Variants in PIP4K2A observed in about 807,000 individuals in gnomAD.
PIP4K2A encodes the protein phosphatidylinositol 5-phosphate 4-kinase type-2 alpha.
In PIP4K2A, 14 loss-of-function variants were observed where a neutral mutation model predicts 42.9. The ratio of observed to expected loss-of-function variants is 0.33; its 90% CI spans 0.22 to 0.51. The LOEUF is 0.51. Among genes scored for constraint, PIP4K2A ranks in the 20% least tolerant of loss-of-function variants. The pLI, the probability that PIP4K2A is intolerant of heterozygous loss-of-function variation, is 0.97. For synonymous variants in PIP4K2A, 192 were observed against 192.2 expected (o/e 1.00, Z 0.01); for missense variants, 434 against 519.8 (o/e 0.83, Z 1.61).
In PIP4K2A at chr10:22,535,418, C is replaced by A. The variant is rs1449692864; in HGVS notation, c.*1783G>T. On this transcript the variant is annotated 3_prime_UTR_variant, in exon 10 of 10. Coordinates refer to ENST00000376573, the MANE Select transcript of PIP4K2A (RefSeq NM_005028.5). ...ACCAAATCTACATAAAATGAGTGGA[C>A]AGTATACGGAGGGCACGACTGCTGG... is the stretch of plus-strand genomic sequence containing the variant. 1 of 152,202 alleles carries A rather than the reference C, an allele frequency of 6.6e-6. No homozygotes were observed. The highest frequency in any genetic ancestry group is 1.5e-5 in the Non-Finnish European group (1 of 68,060). The allele number at this position is 152,202 out of a possible 1,614,324, so 9.4% of individuals were successfully genotyped here.
At chr10:22,584,331 A>G (rs1278083239) in intron 4 of PIP4K2A, among the ~76,000 whole-genome samples, 1 of 152,172 alleles carries the variant, frequency 6.6e-6, no homozygotes, top group East Asian at 1.9e-4. Context: ...TAAAAAAAAA[A>G]AAGATTAGAA....
At position 22,585,241 on chromosome 10, in the gene PIP4K2A, T is replaced by C. The variant is rs182741160; in HGVS notation, c.492+6388A>G. Among the ~76,000 whole-genome samples, 555 of 152,330 alleles carry C rather than the reference T, an allele frequency of 3.6e-3. 1 individual carries two copies. The highest frequency in any genetic ancestry group is 0.013 in the African/African-American group (541 of 41,556). On this transcript the variant is annotated intron_variant, in intron 4 of 9. Transcript: ENST00000376573. ...CGGGAAAGGATAAGCAGATGTACTA[T>C]GAGGAGATTTCAAAGAAGTCACATG...
chr10:22,618,989 T>A lies in PIP4K2A; in HGVS notation c.145-9272A>T, dbSNP rs187337686. 2.6e-5 allele frequency among the ~76,000 whole-genome samples: 4 copies of A among 152,330 alleles called. No homozygotes were observed. In the East Asian group the frequency reaches 7.7e-4, roughly 29 times the overall value. On this transcript the variant is annotated intron_variant, in intron 1 of 9. Coordinates refer to ENST00000376573, the MANE Select transcript of PIP4K2A (RefSeq NM_005028.5). ...TTTTCTTACTTTTTTCTACTAAGTG[T>A]CTTATTGGGAGAATGAGGGATTACC...
At chr10:22,668,808 G>C (rs1460293089) in intron 1 of PIP4K2A, among the ~76,000 whole-genome samples, 1 of 152,132 alleles carries the variant, frequency 6.6e-6, no homozygotes, top group African/African-American at 2.4e-5. Context: ...TAAGAAACAT[G>C]TACTTCTCTT....
intron 1 of PIP4K2A, among the ~76,000 whole-genome samples, chr10:22,664,197 A>G (rs1839299045): frequency 1.4e-5 from 1 of 69,388 alleles, no homozygotes; most frequent in Non-Finnish European, 2.3e-5. Context: ...ATATACATAT[A>G]TATATACATA....
intron 7 of PIP4K2A, among the ~76,000 whole-genome samples, chr10:22,550,182 T>C (rs1336583842): frequency 6.6e-6 from 1 of 152,054 alleles, no homozygotes; most frequent in Non-Finnish European, 1.5e-5. Flanking sequence ...TGGTGACTGG[T>C]GGAGATAGGA....
intron 1 of PIP4K2A, among the ~76,000 whole-genome samples, chr10:22,623,396 C>A (rs145432453): frequency 2.0e-5 from 3 of 152,040 alleles, no homozygotes; most frequent in African/African-American, 7.3e-5. Flanking sequence ...AGGGGCAGAC[C>A]GCAGCTCTAA....
Position 22,599,501 on chromosome 10 carries a change from G to A in PIP4K2A, c.340-7720C>T, listed in dbSNP as rs576173571. Among the ~76,000 whole-genome samples, 4 of 152,192 alleles carry A rather than the reference G, an allele frequency of 2.6e-5. No homozygotes were observed. The South Asian group carries it at 8.3e-4, about 31-fold the overall frequency. Reference sequence around the variant, plus strand: ...ACCATGAGGCTGTCTCTGGATGAGTGAGGTGACCTGGCAAGTGCTCTCTAC... The same window carrying A: ...ACCATGAGGCTGTCTCTGGATGAGTAAGGTGACCTGGCAAGTGCTCTCTAC... On this transcript the variant is annotated intron_variant, in intron 3 of 9. Transcript: ENST00000376573.
At chr10:22,668,021 G>A (rs184852085) in intron 1 of PIP4K2A, among the ~76,000 whole-genome samples, 189 of 151,940 alleles carry the variant, frequency 1.2e-3, no homozygotes, top group African/African-American at 4.4e-3. Context: ...GCATGGTCTC[G>A]GCTCACTGCA....
chr10:22,692,175 T>C (rs1042627733), intron 1 of PIP4K2A, among the ~76,000 whole-genome samples: 3 of 151,896 alleles, frequency 2.0e-5, no homozygotes, highest in African/African-American at 7.3e-5. Context: ...TGGGAGACAG[T>C]GACAGATCAT....
In PIP4K2A at chr10:22,542,748, C is replaced by T. The variant is rs114356297; in HGVS notation, c.793-701G>A. On this transcript the variant is annotated intron_variant, in intron 7 of 9. Transcript: ENST00000376573. ...CCCAGTTCTTTGACTTTTCAGATCACGATTTCTCTTTGTTTCCCTTTTCTT... is the reference window on the plus strand; with the variant it reads ...CCCAGTTCTTTGACTTTTCAGATCATGATTTCTCTTTGTTTCCCTTTTCTT... 9.7e-3 allele frequency among the ~76,000 whole-genome samples: 1,484 copies of T among 152,342 alleles called. 24 individuals carry two copies. Among genetic ancestry groups the T allele is most frequent in the African/African-American group, 0.034 (1,411 of 41,568 alleles).
chr10:22,583,402 G>C (rs1453941040), intron 4 of PIP4K2A, among the ~76,000 whole-genome samples: 2 of 152,096 alleles, frequency 1.3e-5, no homozygotes, highest in East Asian at 3.9e-4. Flanking sequence ...GCCTGGGGCT[G>C]GGGGGGAGCT....
chr10:22,671,292 A>G (rs990166177), intron 1 of PIP4K2A, among the ~76,000 whole-genome samples: 3 of 152,212 alleles, frequency 2.0e-5, no homozygotes, highest in Non-Finnish European at 4.4e-5. Context: ...CAATGCAGAG[A>G]AAGAAGTGGG....
chr10:22,609,509 T>C, intron 2 of PIP4K2A, 111 bp downstream of exon 2: 2 of 692,090 alleles, frequency 2.9e-6, no homozygotes, highest in Admixed American at 4.9e-5. Context: ...ATTAACTTCA[T>C]CAGCAAAACT....
At chr10:22,568,899 TG>T in intron 5 of PIP4K2A, 1 of 749,322 alleles carries the variant, frequency 1.3e-6, no homozygotes, top group Non-Finnish European at 2.2e-6. Context: ...CCTCCTGCAC[TG>T]GACACCCCTA....
chr10:22,611,199 G>T (rs1162753797), intron 1 of PIP4K2A, among the ~76,000 whole-genome samples: 1 of 152,070 alleles, frequency 6.6e-6, no homozygotes, highest in Non-Finnish European at 1.5e-5. Flanking sequence ...GACCAGCCTA[G>T]GCAACAGAAT....
intron 6 of PIP4K2A, among the ~76,000 whole-genome samples, chr10:22,552,711 C>T (rs1315210476): frequency 1.3e-5 from 2 of 152,166 alleles, no homozygotes; most frequent in East Asian, 1.9e-4. Flanking sequence ...CAGACCTACA[C>T]ACAAAAACAG....
intron 1 of PIP4K2A, among the ~76,000 whole-genome samples, chr10:22,713,327 C>A (rs1027074671): frequency 4.6e-5 from 7 of 152,222 alleles, no homozygotes; most frequent in South Asian, 2.1e-4. Flanking sequence ...CCACACCCCC[C>A]ACAGCGGGTG....
chr10:22,686,824 C>T (rs528865912), intron 1 of PIP4K2A, among the ~76,000 whole-genome samples: 1 of 152,192 alleles, frequency 6.6e-6, no homozygotes, highest in South Asian at 2.1e-4. Flanking sequence ...AAGTAGGTAA[C>T]ATTTCAACAT....
Sources: gnomAD v4.1 joint callset for allele counts (sites outside exome capture counted in the v4.1 genomes callset) on GRCh38, gnomAD v4.1.1 for gene constraint, MANE v1.5 for transcripts, NCBI Gene and HGNC (gene_info 2026-07-23, HGNC 2026-07-21) for gene names.